MTUS2: variants seen among roughly 807,000 people sequenced by gnomAD.
MTUS2 encodes the protein microtubule-associated tumor suppressor candidate 2.
MTUS2 carries 40 observed loss-of-function variants against 114.1 expected under a neutral mutation model. That is an observed-to-expected ratio of 0.35 (90% CI 0.27 to 0.46). MTUS2 has a LOEUF of 0.46. MTUS2 is among the 20% of genes least tolerant of loss of function. The probability of loss-of-function intolerance (pLI) is 1.00; values close to 1 mark genes in which losing one functional copy is unlikely to be tolerated. For missense variants in MTUS2, 1,679 were observed against 1,705.4 expected (o/e 0.98, Z 0.27); for synonymous variants, 688 against 672.0 (o/e 1.02, Z -0.37).
At chr13:29,455,479 C>T (rs112779792) in intron 9 of MTUS2, among the ~76,000 whole-genome samples, 7,870 of 152,094 alleles carry the variant, frequency 0.052, 221 homozygotes, top group South Asian at 0.064. Flanking sequence ...CTGTCTAGCG[C>T]GAAAGACAAA....
At chr13:29,228,590 G>T (rs1896203869) in intron 5 of MTUS2, among the ~76,000 whole-genome samples, 2 of 152,120 alleles carry the variant, frequency 1.3e-5, no homozygotes, top group Admixed American at 1.3e-4. Flanking sequence ...AAATTGTTGG[G>T]ATTGCAGGCA....
At position 29,066,226 on chromosome 13, in the gene MTUS2, T is replaced by TCAGCCAGAA. The variant is rs1430999845; in HGVS notation, c.2446+32101_2446+32102insCAGCCAGAA. 4.0e-4 allele frequency among the ~76,000 whole-genome samples: 61 copies of TCAGCCAGAA among 152,356 alleles called. No homozygotes were observed. In the South Asian group the frequency reaches 0.011, roughly 27 times the overall value. On this transcript the variant is annotated intron_variant, in intron 4 of 15. Transcript: ENST00000612955. ...GACCTCTTCTCAGCCAGATGCTGTC[T>TCAGCCAGAA]AACACACCCTGTGTTTTCTTCACTT... is the stretch of plus-strand genomic sequence containing the variant.
intron 2 of MTUS2, among the ~76,000 whole-genome samples, chr13:28,857,197 A>G (rs956848556): frequency 5.3e-5 from 8 of 152,254 alleles, no homozygotes; most frequent in African/African-American, 1.9e-4. Flanking sequence ...GGCTTCTTAC[A>G]GGGAATGTTG....
At chr13:29,258,750 C>A (rs1216515306) in intron 5 of MTUS2, among the ~76,000 whole-genome samples, 1 of 152,190 alleles carries the variant, frequency 6.6e-6, no homozygotes, top group Non-Finnish European at 1.5e-5. Flanking sequence ...CAATTTATTT[C>A]TCTTCTGCTT....
At chr13:29,383,590 T>C (rs1426285085) in intron 8 of MTUS2, among the ~76,000 whole-genome samples, 3 of 151,250 alleles carry the variant, frequency 2.0e-5, no homozygotes, top group Non-Finnish European at 3.0e-5. Flanking sequence ...AGATTTCTCA[T>C]CCTGGGGCTT....
chr13:29,371,876 T>C (rs1197963505), intron 8 of MTUS2, among the ~76,000 whole-genome samples: 1 of 151,918 alleles, frequency 6.6e-6, no homozygotes, highest in Non-Finnish European at 1.5e-5. Flanking sequence ...GCAGATAATT[T>C]CTGGAGGCCT....
At chr13:28,861,439 CTTT>C (rs11462684) in intron 2 of MTUS2, among the ~76,000 whole-genome samples, 7 of 139,450 alleles carry the variant, frequency 5.0e-5, no homozygotes, top group Non-Finnish European at 6.1e-5. Flanking sequence ...CTGTTTTTTT[CTTT>C]TTTTTTTTTT....
chr13:28,896,008 C>T (rs1394589149), intron 2 of MTUS2, among the ~76,000 whole-genome samples: 2 of 151,958 alleles, frequency 1.3e-5, no homozygotes, highest in Non-Finnish European at 2.9e-5. Flanking sequence ...GAAAGATGTG[C>T]AGAAGGAGAG....
At chr13:29,491,630 T>G (rs1882097228) in intron 11 of MTUS2, among the ~76,000 whole-genome samples, 1 of 142,732 alleles carries the variant, frequency 7.0e-6, no homozygotes, top group Admixed American at 7.0e-5. Flanking sequence ...TGTATGTGAT[T>G]AGTAGGTGTG....
intron 4 of MTUS2, among the ~76,000 whole-genome samples, chr13:29,049,886 A>G (rs1489936164): frequency 2.0e-5 from 3 of 152,222 alleles, no homozygotes; most frequent in Admixed American, 1.3e-4. Flanking sequence ...CGCAGCTGCC[A>G]ACTTCATTTG....
chr13:29,312,201 C>T (rs942219107), intron 6 of MTUS2, among the ~76,000 whole-genome samples: 3 of 152,200 alleles, frequency 2.0e-5, no homozygotes, highest in African/African-American at 7.2e-5. Flanking sequence ...AACCTCTGGG[C>T]TGGTGCTTGC....
intron 5 of MTUS2, among the ~76,000 whole-genome samples, chr13:29,174,310 A>G (rs1593558318): frequency 1.3e-5 from 2 of 152,150 alleles, no homozygotes; most frequent in African/African-American, 2.4e-5. Context: ...ACCACAAAAG[A>G]AGGAGGGTCC....
chr13:29,339,386 T>G (rs1351230443), intron 7 of MTUS2, among the ~76,000 whole-genome samples: 1 of 152,180 alleles, frequency 6.6e-6, no homozygotes, highest in Non-Finnish European at 1.5e-5. Flanking sequence ...TGATGGGATC[T>G]GCTTGCTACG....
In MTUS2 at chr13:29,496,451, G is replaced by A. The variant is rs1882557201; in HGVS notation, c.3580-787G>A. The A allele has an allele frequency of 6.5e-6, 1 of 154,400 alleles. No homozygotes were observed. The allele number at this position is 154,400 out of a possible 1,614,324, so 9.6% of individuals were successfully genotyped here. ...GGGAGTGAGAGGGAGCTGGCTGGAG[G>A]TAGGCACTGCCAGCAGGAGAGCTGG... On this transcript the variant is annotated intron_variant, in intron 12 of 15. Coordinates refer to ENST00000612955, the MANE Select transcript of MTUS2 (RefSeq NM_001033602.4). This position sits in a 1 kb window ranked among gnomAD's most constrained non-coding sequence, Gnocchi z 4.3.
intron 2 of MTUS2, among the ~76,000 whole-genome samples, chr13:29,008,321 C>T (rs1248524826): frequency 6.6e-6 from 1 of 152,136 alleles, no homozygotes; most frequent in Admixed American, 6.5e-5. Flanking sequence ...GTTCCAAAAC[C>T]CCTTGGAACA....
intron 8 of MTUS2, among the ~76,000 whole-genome samples, chr13:29,404,411 C>T (rs926498596): frequency 2.0e-5 from 3 of 152,118 alleles, no homozygotes; most frequent in African/African-American, 7.2e-5. Flanking sequence ...ATCCCAGCTA[C>T]TCGAGAGGCT....
At chr13:28,856,163 T>TA (rs1876614668) in intron 2 of MTUS2, among the ~76,000 whole-genome samples, 1 of 152,166 alleles carries the variant, frequency 6.6e-6, no homozygotes, top group Non-Finnish European at 1.5e-5. Context: ...TAGGAAAAAG[T>TA]ACAAATAGAA....
intron 5 of MTUS2, among the ~76,000 whole-genome samples, chr13:29,170,815 T>C (rs1014000537): frequency 3.9e-5 from 6 of 152,296 alleles, no homozygotes; most frequent in Admixed American, 6.5e-5. Flanking sequence ...AAAGTGTGTG[T>C]CTCTTGTTGT....
At chr13:28,965,394 C>T (rs1235725117) in intron 2 of MTUS2, among the ~76,000 whole-genome samples, 1 of 152,128 alleles carries the variant, frequency 6.6e-6, no homozygotes, top group African/African-American at 2.4e-5. Flanking sequence ...TCATTCCTGT[C>T]TACACGGTTT....
Sources: allele counts gnomAD v4.1 joint callset (sites outside exome capture counted in the v4.1 genomes callset), GRCh38; gene constraint gnomAD v4.1.1; non-coding constraint Gnocchi (gnomAD v3.1); transcripts MANE v1.5; gene names NCBI Gene and HGNC (gene_info 2026-07-23, HGNC 2026-07-21).